The following CRTAC1 variants were observed in gnomAD, a reference collection of about 807,000 sequenced individuals.
The protein encoded by CRTAC1 is acidic secreted protein in cartilage.
In CRTAC1, 37 loss-of-function variants were observed where a neutral mutation model predicts 67.8. The observed-to-expected ratio is 0.55, with a 90% CI of 0.42 to 0.72. The LOEUF (loss-of-function observed/expected upper bound fraction) is 0.72, where lower values mean the gene tolerates loss of function less well. Among genes scored for constraint, CRTAC1 ranks in the 30% least tolerant of loss-of-function variants. The pLI is 0.00. For synonymous variants in CRTAC1, 348 were observed against 371.0 expected, an observed-to-expected ratio of 0.94 and a Z score of 0.71; for missense variants, 780 against 931.6, an observed-to-expected ratio of 0.84 and a Z score of 2.12.
intron 2 of CRTAC1, among the ~76,000 whole-genome samples, chr10:97,988,661 G>A (rs973487628): frequency 1.3e-5 from 2 of 152,116 alleles, no homozygotes; most frequent in South Asian, 2.1e-4. Flanking sequence ...CGGAGGTTGC[G>A]GTGAGCCGAG....
intron 3 of CRTAC1, among the ~76,000 whole-genome samples, chr10:97,933,520 C>G (rs1311156322): frequency 6.6e-6 from 1 of 152,244 alleles, no homozygotes; most frequent in Admixed American, 6.5e-5. Flanking sequence ...TATGCAATGT[C>G]TGGCTGGGGC....
intron 2 of CRTAC1, among the ~76,000 whole-genome samples, chr10:97,967,554 T>C (rs943643449): frequency 1.5e-4 from 23 of 152,338 alleles, no homozygotes; most frequent in African/African-American, 5.1e-4. Flanking sequence ...TATATGTGTG[T>C]ATACTAACCC....
chr10:97,881,083 C>T (rs933603347), intron 13 of CRTAC1, among the ~76,000 whole-genome samples: 4 of 152,202 alleles, frequency 2.6e-5, no homozygotes, highest in Non-Finnish European at 1.5e-5. Context: ...GAATACCTGG[C>T]TTCCCCTCTT....
At chr10:97,936,042 AG>A in intron 3 of CRTAC1, 127 bp downstream of exon 3, 4 of 822,658 alleles carry the variant, frequency 4.9e-6, no homozygotes, top group East Asian at 5.4e-5. Context: ...CTGTGGCAGC[AG>A]GGGGCAGTGC....
At chr10:97,922,600 C>A (rs1289075012) in intron 4 of CRTAC1, among the ~76,000 whole-genome samples, 2 of 152,218 alleles carry the variant, frequency 1.3e-5, no homozygotes, top group Non-Finnish European at 2.9e-5. Flanking sequence ...GGGACCTAAG[C>A]CTGGGTGGGC....
At chr10:97,865,783 GC>G in intron 14 of CRTAC1, 69 bp from the exon 15 acceptor site, 1 of 1,461,810 alleles carries the variant, frequency 6.8e-7, no homozygotes, top group African/African-American at 1.4e-5. Flanking sequence ...CAGAGCACCC[GC>G]TTCTGAGTCA....
intron 11 of CRTAC1, among the ~76,000 whole-genome samples, chr10:97,891,396 C>T (rs572935082): frequency 2.0e-4 from 31 of 152,360 alleles, no homozygotes; most frequent in East Asian, 7.7e-4. Context: ...CTTAGGCCCT[C>T]GTCCACCCCT....
At position 97,950,244 on chromosome 10, in the gene CRTAC1, C is replaced by CAGAGAGAGAGAGAGAG. The variant is rs1291012749; in HGVS notation, c.225-13879_225-13878insCTCTCTCTCTCTCTCT. 5.3e-5 allele frequency among the ~76,000 whole-genome samples: 6 copies of CAGAGAGAGAGAGAGAG among 112,184 alleles called. 1 individual carries two copies. The highest frequency in any genetic ancestry group is 2.0e-4 in the African/African-American group (5 of 25,450). 73.6% of individuals were successfully genotyped at this position (112,184 alleles called of 152,430 possible). On this transcript the variant is annotated intron_variant, in intron 2 of 14. Transcript: ENST00000370597. Reference sequence around the variant, plus strand: ...TTTTGCATGTACGTGCACACACACACACAGAGAGAGAGAGAGAGAGAGAGA... The same window carrying CAGAGAGAGAGAGAGAG: ...TTTTGCATGTACGTGCACACACACACAGAGAGAGAGAGAGAGACAGAGAGAGAGAGAGAGAGAGAGA...
chr10:97,884,974 G>A (rs1358644569), intron 11 of CRTAC1, among the ~76,000 whole-genome samples: 1 of 152,250 alleles, frequency 6.6e-6, no homozygotes, highest in Non-Finnish European at 1.5e-5. Flanking sequence ...TATTTATTGA[G>A]CTCTGCTAAG....
intron 6 of CRTAC1, 102 bp from the exon 7 acceptor site, chr10:97,904,916 CTCA>C: frequency 7.4e-7 from 1 of 1,347,394 alleles, no homozygotes; most frequent in Non-Finnish European, 9.8e-7. Flanking sequence ...GAGGGTGACT[CTCA>C]TCTTGTTCCC....
intron 2 of CRTAC1, among the ~76,000 whole-genome samples, chr10:97,970,559 G>A (rs548415645): frequency 6.6e-6 from 1 of 152,288 alleles, no homozygotes; most frequent in East Asian, 1.9e-4. Context: ...CCTCAGGCCA[G>A]CTCTCCCCAG....
chr10:97,956,227 G>A (rs981489168), intron 2 of CRTAC1, among the ~76,000 whole-genome samples: 1 of 152,222 alleles, frequency 6.6e-6, no homozygotes, highest in Non-Finnish European at 1.5e-5. Context: ...AGCTTAGCAC[G>A]TATTGACTGC....
intron 5 of CRTAC1, among the ~76,000 whole-genome samples, chr10:97,911,257 T>C (rs2050684879): frequency 6.6e-6 from 1 of 152,258 alleles, no homozygotes; most frequent in Admixed American, 6.5e-5. Flanking sequence ...CCTCTCTGCC[T>C]CTGGCTCCCA....
At chr10:97,882,570 C>T (rs949041113) in intron 13 of CRTAC1, among the ~76,000 whole-genome samples, 4 of 152,230 alleles carry the variant, frequency 2.6e-5, no homozygotes, top group East Asian at 1.9e-4. Context: ...TTTCCAGAAC[C>T]GCAGTGATTC....
chr10:97,993,692 C>T (rs531208643), intron 2 of CRTAC1, among the ~76,000 whole-genome samples: 5 of 152,284 alleles, frequency 3.3e-5, no homozygotes, highest in East Asian at 3.9e-4. Context: ...ATCTAAAATC[C>T]TCCATCCACC....
rs77641892 is a variant in CRTAC1 at position 97,930,097 on chromosome 10, G to A, written c.421+6073C>T. Among the ~76,000 whole-genome samples, 1,096 of 152,322 alleles carry A rather than the reference G, an allele frequency of 7.2e-3. 16 individuals are homozygous for A. The highest frequency in any genetic ancestry group is 0.025 in the African/African-American group (1,030 of 41,572). On this transcript the variant is annotated intron_variant, in intron 3 of 14. Transcript: ENST00000370597. ...CTCCTTCAGTGCTCTCTGTAGCAGTGCCAGGAAGGCAGAGTCTTCATTTCA... is the reference window on the plus strand; with the variant it reads ...CTCCTTCAGTGCTCTCTGTAGCAGTACCAGGAAGGCAGAGTCTTCATTTCA...
rs71007368 is a variant in CRTAC1, at chr10:97,876,945, GTTTTTTTTTTT to G, written c.1819+3293_1819+3303del. The stretch of plus-strand genomic sequence containing the variant: ...ACTGCTAGCTCAATGAGGAGGCTCT[GTTTTTTTTTTT>G]TTTTTTTTTTTTTTTTGGTAAGGGG... On this transcript the variant is annotated intron_variant, in intron 14 of 14. Coordinates refer to ENST00000370597, the MANE Select transcript of CRTAC1 (RefSeq NM_018058.7). Among the ~76,000 whole-genome samples, 4 of 53,430 alleles carry G rather than the reference GTTTTTTTTTTT, an allele frequency of 7.5e-5. No homozygotes were observed. The East Asian group carries it at 2.1e-3, about 28-fold the overall frequency. 35.1% of individuals were successfully genotyped at this position (53,430 alleles called of 152,430 possible). A position where few individuals can be genotyped will look rare whatever the true frequency, so the allele number is the denominator to read the frequency against.
intron 1 of CRTAC1, 60 bp from the exon 2 acceptor site, chr10:98,011,397 A>T (rs1004658420): frequency 1.3e-6 from 2 of 1,599,854 alleles, no homozygotes; most frequent in Non-Finnish European, 1.7e-6. Context: ...ATCCCGGAAC[A>T]TTAAAGTCCT....
intron 2 of CRTAC1, among the ~76,000 whole-genome samples, chr10:98,010,447 C>A (rs188670595): frequency 6.6e-6 from 1 of 152,304 alleles, no homozygotes; most frequent in Non-Finnish European, 1.5e-5. Flanking sequence ...AGTTATTCCC[C>A]TTTTTACAGA....
Sources: allele counts gnomAD v4.1 joint callset (sites outside exome capture counted in the v4.1 genomes callset), GRCh38; gene constraint gnomAD v4.1.1; transcripts MANE v1.5; gene names NCBI Gene and HGNC (gene_info 2026-07-23, HGNC 2026-07-21).